Variants in CASP4 observed in about 807,000 individuals in gnomAD.
CASP4 encodes caspase 4.
Under a neutral mutation model 41.3 loss-of-function variants are expected in CASP4, and 29 were observed. That is an observed-to-expected ratio of 0.70 (90% CI 0.52 to 0.96). CASP4 has a LOEUF of 0.96. Among genes scored for constraint, CASP4 ranks in the 40% least tolerant of loss-of-function variants. The probability of loss-of-function intolerance (pLI) is 0.00; values close to 1 mark genes in which losing one functional copy is unlikely to be tolerated. For synonymous variants in CASP4, 185 were observed against 158.4 expected (o/e 1.17, Z -1.26); for missense variants, 447 against 460.6 (o/e 0.97, Z 0.27).
intron 1 of CASP4, among the ~76,000 whole-genome samples, chr11:104,966,175 C>G (rs1055894176): frequency 9.9e-5 from 15 of 152,188 alleles, no homozygotes; most frequent in African/African-American, 3.4e-4. Context: ...TAAATTGGCT[C>G]TGTCTAAGCA....
At chr11:104,960,311 TA>T (rs1454923670) in intron 1 of CASP4, among the ~76,000 whole-genome samples, 1 of 152,118 alleles carries the variant, frequency 6.6e-6, no homozygotes, top group Admixed American at 6.6e-5. Flanking sequence ...GTTCTCTGTC[TA>T]TCTGTCTATC....
chr11:104,962,789 A>G (rs1055481881), intron 1 of CASP4, among the ~76,000 whole-genome samples: 6 of 152,236 alleles, frequency 3.9e-5, no homozygotes, highest in Non-Finnish European at 5.9e-5. Flanking sequence ...GCTGTAATTC[A>G]GTAGCTAAGA....
At chr11:104,954,615 A>G in intron 2 of CASP4, 132 bp downstream of exon 2, 2 of 886,458 alleles carry the variant, frequency 2.3e-6, no homozygotes, top group Non-Finnish European at 3.5e-6. Context: ...CTAAAAGGAC[A>G]AAGATAGGTT....
At chr11:104,962,908 C>A (rs1014093773) in intron 1 of CASP4, among the ~76,000 whole-genome samples, 26 of 152,262 alleles carry the variant, frequency 1.7e-4, no homozygotes, top group African/African-American at 6.3e-4. Flanking sequence ...CCCCCACAAC[C>A]CCATGGATAG....
chr11:104,948,615 C>T lies in CASP4; in HGVS notation c.843G>A (p.Gln281=). 6.2e-7 allele frequency: 1 copy of T among 1,611,378 alleles called. No individual in the cohort carries two copies. The highest frequency in any genetic ancestry group is 8.5e-7 in the Non-Finnish European group (1 of 1,178,388). Residue 281 remains glutamine (Q), a synonymous_variant, in exon 6 of 9, where the codon CAG becomes CAA. Coordinates refer to ENST00000444739, the MANE Select transcript of CASP4 (RefSeq NM_001225.4). The part of the protein sequence containing the change: ...SPASLEVASS[Q]SSENLEEDAV... The stretch of plus-strand genomic sequence containing the variant: ...CATCTTCCTCTAGGTTCTCAGATGA[C>T]TGTGAAGAGGCCACTTCCAAGGATG...
chr11:104,947,344 T>TA (rs1392480701), intron 6 of CASP4, 152 bp from the exon 7 acceptor site: 2 of 441,828 alleles, frequency 4.5e-6, no homozygotes, highest in African/African-American at 2.0e-5. Context: ...GACATTTACC[T>TA]ACTTTCCACA....
intron 4 of CASP4, 82 bp downstream of exon 4, chr11:104,950,843 G>A: frequency 7.9e-7 from 1 of 1,264,090 alleles, no homozygotes. Context: ...GTTAAACCTT[G>A]TTGAGCTCTT....
intron 2 of CASP4, among the ~76,000 whole-genome samples, chr11:104,952,454 G>A (rs1367682116): frequency 6.6e-6 from 1 of 151,898 alleles, no homozygotes; most frequent in Non-Finnish European, 1.5e-5. Context: ...CATGTAAAAA[G>A]TAAAATTAAA....
chr11:104,944,611 A>C (rs1341342194), intron 8 of CASP4, 137 bp downstream of exon 8: 4 of 586,526 alleles, frequency 6.8e-6, no homozygotes, highest in Non-Finnish European at 1.2e-5. Flanking sequence ...AAGAAGTAGC[A>C]GATAATCACC....
intron 1 of CASP4, among the ~76,000 whole-genome samples, chr11:104,967,476 G>T (rs1196516896): frequency 6.6e-6 from 1 of 152,160 alleles, no homozygotes; most frequent in Non-Finnish European, 1.5e-5. Flanking sequence ...TGAAAGTTCA[G>T]ATAGTAAAAA....
rs765687371 is a variant in CASP4, at chr11:104,954,970, C to T, written c.39G>A (p.Val13=). 1.2e-6 allele frequency: 2 copies of T among 1,613,540 alleles called. No homozygotes were observed. The highest frequency in any genetic ancestry group is 1.7e-6 in the Non-Finnish European group (2 of 1,179,682). ...EGNHRKKPLK[V]LESLGKDFLT... is the part of the protein sequence containing the mutation. ...GGAAATCTTTGCCCAGGGATTCCAACACCTTAAGTGGCTTTTTTCTGTGGT... is the reference window on the plus strand; with the variant it reads ...GGAAATCTTTGCCCAGGGATTCCAATACCTTAAGTGGCTTTTTTCTGTGGT... The change falls in exon 2 of 9, where the codon GTG becomes GTA. Residue 13 remains valine, a synonymous_variant. Coordinates refer to ENST00000444739, the MANE Select transcript of CASP4 (RefSeq NM_001225.4).
At chr11:104,960,689 C>T (rs1050964258) in intron 1 of CASP4, among the ~76,000 whole-genome samples, 5 of 152,092 alleles carry the variant, frequency 3.3e-5, no homozygotes, top group African/African-American at 9.7e-5. Context: ...AGGCTGATCT[C>T]GAACTCCTGA....
At chr11:104,950,175 T>C (rs1218415396) in intron 4 of CASP4, among the ~76,000 whole-genome samples, 2 of 152,094 alleles carry the variant, frequency 1.3e-5, no homozygotes, top group Admixed American at 1.3e-4. Flanking sequence ...ACCACCCTCA[T>C]ACTATGTTCC....
At chr11:104,952,074 C>G in intron 2 of CASP4, 69 bp from the exon 3 acceptor site, 2 of 928,024 alleles carry the variant, frequency 2.2e-6, no homozygotes, top group Admixed American at 3.5e-5. Context: ...CTAAGAAGAT[C>G]GAGAGAGAAG....
At chr11:104,957,334 G>A (rs56306630) in intron 1 of CASP4, among the ~76,000 whole-genome samples, 14,713 of 151,942 alleles carry the variant, frequency 0.097, 2,079 homozygotes, top group African/African-American at 0.31. Flanking sequence ...CAATTTAACC[G>A]AGTAGGTAAA....
At chr11:104,957,007 G>A (rs1392934773) in intron 1 of CASP4, among the ~76,000 whole-genome samples, 1 of 152,102 alleles carries the variant, frequency 6.6e-6, no homozygotes, top group Non-Finnish European at 1.5e-5. Flanking sequence ...TCAGGAAGAA[G>A]ACAAAGATAT....
At chr11:104,949,156 G>T in intron 5 of CASP4, 1 of 285,230 alleles carries the variant, frequency 3.5e-6, no homozygotes. Flanking sequence ...AAGAAAAAGG[G>T]ATGCTGTTTT....
In CASP4 at chr11:104,944,797, G is replaced by T. The variant is rs1219592466; in HGVS notation, c.1090C>A (p.Arg364=). 4 of 1,613,370 alleles carry T rather than the reference G, an allele frequency of 2.5e-6. No individual in the cohort carries two copies. Among genetic ancestry groups the T allele is most frequent in the Admixed American group, 1.7e-5 (1 of 59,942 alleles). Residue 364 remains arginine (R), a synonymous_variant, in exon 8 of 9, where the codon CGA becomes AGA. Transcript: ENST00000444739. The stretch of plus-strand genomic sequence containing the variant: ...TAGAAATATCTTGTCATGGACAGTC[G>T]TTCTATGGTGGGCATTTGAGCTTTG... ...RAKAQMPTIE[R]LSMTRYFYLF... is the part of the protein sequence containing the mutation.
chr11:104,946,919 G>T, intron 7 of CASP4, 164 bp downstream of exon 7: 2 of 546,016 alleles, frequency 3.7e-6, no homozygotes, highest in Non-Finnish European at 6.6e-6. Flanking sequence ...GGGATATATT[G>T]GAATTGTCTT....
Sources: gnomAD v4.1 joint callset for allele counts (sites outside exome capture counted in the v4.1 genomes callset) on GRCh38, gnomAD v4.1.1 for gene constraint, MANE v1.5 for transcripts, NCBI Gene and HGNC (gene_info 2026-07-23, HGNC 2026-07-21) for gene names.